TRIM3: variants seen among roughly 807,000 people sequenced by gnomAD.
TRIM3 encodes tripartite motif containing 3, also known as tripartite motif-containing protein 3.
TRIM3 carries 13 observed loss-of-function variants against 66.6 expected under a neutral mutation model. The observed-to-expected ratio is 0.20, with a 90% CI of 0.13 to 0.31. The LOEUF (loss-of-function observed/expected upper bound fraction) is 0.31, where lower values mean the gene tolerates loss of function less well. TRIM3 is among the 10% of genes least tolerant of loss of function. The probability of loss-of-function intolerance (pLI) is 1.00; values close to 1 mark genes in which losing one functional copy is unlikely to be tolerated. For synonymous variants in TRIM3, 406 were observed against 411.7 expected (o/e 0.99, Z 0.17); for missense variants, 711 against 1,020.4 (o/e 0.70, Z 4.13).
rs1850087479 is a variant in TRIM3 at position 6,458,408 on chromosome 11, TC to T, written c.132-113del. 2 of 853,570 alleles carry T rather than the reference TC, an allele frequency of 2.3e-6. No homozygotes were observed. Among genetic ancestry groups the T allele is most frequent in the Non-Finnish European group, 3.7e-6 (2 of 545,908 alleles). 52.9% of individuals were successfully genotyped at this position (853,570 alleles called of 1,614,324 possible). A position where few individuals can be genotyped will look rare whatever the true frequency, so the allele number is the denominator to read the frequency against. On this transcript the variant is annotated intron_variant, in intron 2 of 11. Transcript: ENST00000345851. This position sits in a 1 kb window ranked among gnomAD's most constrained non-coding sequence, Gnocchi z 6.2. ...TCCCTCACAGGTGTGCCATTACACT[TC>T]ATTTTAAAACCTCTCTGCTTGACAC... is the stretch of plus-strand genomic sequence containing the variant.
At position 6,456,507 on chromosome 11, in the gene TRIM3, G is replaced by C; in HGVS notation, c.1219C>G (p.Gln407Glu). The C allele has an allele frequency of 6.3e-6, 10 of 1,579,446 alleles. No homozygotes were observed. The highest frequency in any genetic ancestry group is 8.6e-6 in the Non-Finnish European group (10 of 1,156,906). Reference protein sequence around the residue: ...ELLLSVLLYGQPVRGSPFRVR... With the variant: ...ELLLSVLLYGEPVRGSPFRVR... ...CGGAAGGGGCTGCCGCGCACTGGCT[G>C]TCCGTAGAGCAGCACCGAGAGGAGC... The change falls in exon 6 of 12, where the codon CAG (glutamine) becomes GAG (glutamate). Residue 407 changes from glutamine to glutamate, a missense_variant. This residue lies in a region of TRIM3 where 399 missense variants were observed against 458.1 expected (regional missense o/e 0.87). Coordinates refer to ENST00000345851, the MANE Select transcript of TRIM3 (RefSeq NM_033278.4). This position sits in a 1 kb window ranked among gnomAD's most constrained non-coding sequence, Gnocchi z 6.4.
chr11:6,454,190 A>T (rs1277767131), intron 7 of TRIM3, among the ~76,000 whole-genome samples: 1 of 152,088 alleles, frequency 6.6e-6, no homozygotes, highest in Non-Finnish European at 1.5e-5. Context: ...ACCAGCCCAA[A>T]CAATATAGTG....
At chr11:6,454,157 T>G (rs907174077) in intron 7 of TRIM3, among the ~76,000 whole-genome samples, 1 of 152,096 alleles carries the variant, frequency 6.6e-6, no homozygotes, top group Non-Finnish European at 1.5e-5. Context: ...GGCAGGAGGA[T>G]AGCTTGAGCC....
In TRIM3 at chr11:6,456,619, C is replaced by T. The variant is rs751545075; in HGVS notation, c.1107G>A (p.Pro369=). The T allele has an allele frequency of 5.0e-6, 8 of 1,612,800 alleles. No homozygotes were observed. In the South Asian group the frequency reaches 5.5e-5, roughly 11 times the overall value. Residue 369 remains proline, a synonymous_variant, in exon 6 of 12, where the codon CCG becomes CCA. Transcript: ENST00000345851. This position sits in a 1 kb window ranked among gnomAD's most constrained non-coding sequence, Gnocchi z 6.4. Reference sequence around the variant, plus strand: ...CTGGCACCGGAAGGCGCGTGCCGTCCGGGCCGGTGATCTCTGCACGCAGCT... The same window carrying T: ...CTGGCACCGGAAGGCGCGTGCCGTCTGGGCCGGTGATCTCTGCACGCAGCT... ...SAELRAEITG[P]DGTRLPVPVV...
intron 7 of TRIM3, chr11:6,452,134 T>A (rs1849749563): frequency 6.6e-6 from 1 of 152,296 alleles, no homozygotes; most frequent in South Asian, 2.1e-4. Context: ...TGGAATGGGG[T>A]AGGTGAGAGA....
intron 1 of TRIM3, among the ~76,000 whole-genome samples, chr11:6,467,275 G>A (rs558258979): frequency 6.6e-6 from 1 of 152,314 alleles, no homozygotes; most frequent in Non-Finnish European, 1.5e-5. Context: ...TGGTATGGGT[G>A]AGGGTGAGAA....
At chr11:6,465,970 A>C (rs1850447891) in intron 1 of TRIM3, among the ~76,000 whole-genome samples, 1 of 152,202 alleles carries the variant, frequency 6.6e-6, no homozygotes, top group East Asian at 1.9e-4. Flanking sequence ...CAGCTATGTG[A>C]GCTTGGACAA....
Position 6,458,116 on chromosome 11 carries a change from G to T in TRIM3, c.312C>A (p.Pro104=). The change falls in exon 3 of 12, where the codon CCC becomes CCA. Residue 104 remains proline, a synonymous_variant. Transcript: ENST00000345851. This position sits in a 1 kb window ranked among gnomAD's most constrained non-coding sequence, Gnocchi z 6.2. The stretch of plus-strand genomic sequence containing the variant: ...GAGGGCGGCCAGCCACTACACTGAG[G>T]GGGTGGGGGTCCTCCGGGTCGTGGG... ...DGAHDPEDPH[P]LSVVAGRPLS... 6.2e-7 allele frequency: 1 copy of T among 1,613,624 alleles called. No individual in the cohort carries two copies. Among genetic ancestry groups the T allele is most frequent in the Non-Finnish European group, 8.5e-7 (1 of 1,180,006 alleles).
At chr11:6,460,789 A>G (rs1242456338) in intron 2 of TRIM3, among the ~76,000 whole-genome samples, 3 of 152,068 alleles carry the variant, frequency 2.0e-5, no homozygotes, top group Non-Finnish European at 4.4e-5. Flanking sequence ...CCTATAACTT[A>G]GGATCTTAAT....
chr11:6,470,137 T>C (rs1170056394), intron 1 of TRIM3, among the ~76,000 whole-genome samples: 1 of 152,220 alleles, frequency 6.6e-6, no homozygotes, highest in Non-Finnish European at 1.5e-5. Flanking sequence ...GTGACAAAAG[T>C]ACATTTTTGG....
chr11:6,467,950 G>A (rs1850532723), intron 1 of TRIM3, among the ~76,000 whole-genome samples: 1 of 152,096 alleles, frequency 6.6e-6, no homozygotes, highest in African/African-American at 2.4e-5. Flanking sequence ...ATAATGTAGG[G>A]TATCATCTGA....
At chr11:6,454,884 G>A (rs1440137828) in intron 7 of TRIM3, among the ~76,000 whole-genome samples, 1 of 152,164 alleles carries the variant, frequency 6.6e-6, no homozygotes, top group Non-Finnish European at 1.5e-5. Flanking sequence ...TAAACGTATA[G>A]GTGTTTAGAA....
intron 1 of TRIM3, among the ~76,000 whole-genome samples, chr11:6,466,593 GTT>G (rs77979367): frequency 4.3e-5 from 6 of 139,970 alleles, no homozygotes; most frequent in African/African-American, 1.1e-4. Flanking sequence ...TTCCTGCTGG[GTT>G]TTTTTTTTTT....
chr11:6,454,386 CAAAA>C (rs10665333), intron 7 of TRIM3, among the ~76,000 whole-genome samples: 1 of 129,234 alleles, frequency 7.7e-6, no homozygotes. Flanking sequence ...GACCCTGTCT[CAAAA>C]AAAAAAAAAA....
chr11:6,453,725 A>G (rs879525247), intron 7 of TRIM3, among the ~76,000 whole-genome samples: 5 of 152,242 alleles, frequency 3.3e-5, no homozygotes, highest in Non-Finnish European at 7.3e-5. Context: ...TTAATTCAGA[A>G]TCACAAAATG....
At chr11:6,459,067 C>G (rs1196809820) in intron 2 of TRIM3, among the ~76,000 whole-genome samples, 1 of 152,160 alleles carries the variant, frequency 6.6e-6, no homozygotes, top group Admixed American at 6.5e-5. Context: ...GCATCTGGCT[C>G]AAGCAGGTGG....
At position 6,451,564 on chromosome 11, in the gene TRIM3, C is replaced by T. The variant is rs555053773; in HGVS notation, c.1534-126G>A. On this transcript the variant is annotated intron_variant, in intron 7 of 11. Coordinates refer to ENST00000345851, the MANE Select transcript of TRIM3 (RefSeq NM_033278.4). ...CATTTATTCAGTCATTCAACAAGCA[C>T]TTACTGACAAAATCAAACATGGCAG... The T allele has an allele frequency of 3.2e-4, 331 of 1,036,202 alleles. 5 individuals carry two copies. In the East Asian group the frequency reaches 8.3e-3, roughly 26 times the overall value. The allele number at this position is 1,036,202 out of a possible 1,614,324, so 64.2% of individuals were successfully genotyped here.
At chr11:6,460,322 C>T (rs550262661) in intron 2 of TRIM3, among the ~76,000 whole-genome samples, 2 of 152,190 alleles carry the variant, frequency 1.3e-5, no homozygotes, top group South Asian at 4.2e-4. Flanking sequence ...TGAAGGGGAG[C>T]TTGAAAGTTC....
At chr11:6,462,349 C>A (rs1056795833) in intron 2 of TRIM3, among the ~76,000 whole-genome samples, 2 of 152,164 alleles carry the variant, frequency 1.3e-5, no homozygotes, top group African/African-American at 4.8e-5. Flanking sequence ...GCAGTGAAAA[C>A]TGGATTCAGA....
Sources: allele counts gnomAD v4.1 joint callset (sites outside exome capture counted in the v4.1 genomes callset), GRCh38; gene constraint gnomAD v4.1.1; regional missense constraint gnomAD v4.1.1; non-coding constraint Gnocchi (gnomAD v3.1); transcripts MANE v1.5; gene names NCBI Gene and HGNC (gene_info 2026-07-23, HGNC 2026-07-21).